The following MPP3 variants were observed in gnomAD, a reference collection of about 807,000 sequenced individuals.
MPP3 encodes MAGUK p55 subfamily member 3.
In MPP3, 48 loss-of-function variants were observed where a neutral mutation model predicts 80.7. The ratio of observed to expected loss-of-function variants is 0.59; its 90% CI spans 0.47 to 0.76. The LOEUF (loss-of-function observed/expected upper bound fraction) is 0.76. Ranked by LOEUF, MPP3 falls within the 30% of genes least tolerant of loss-of-function variation. The pLI is 0.00. For missense variants in MPP3, 620 were observed against 763.0 expected (o/e 0.81, Z 2.21); for synonymous variants, 311 against 297.6 (o/e 1.04, Z -0.46).
In MPP3 at chr17:43,820,990, G is replaced by T; in HGVS notation, c.753C>A (p.Gly251=). ...GGACCTGCCTGCGCTGGAAGGGCAG[G>T]CCCGCCTCCTGGCAAGGGATGGCCC... ...EDRAIPCQEA[G]LPFQRRQVLE... Residue 251 remains glycine (G), a synonymous_variant, in exon 11 of 20, where the codon GGC becomes GGA. Coordinates refer to ENST00000398389, the MANE Select transcript of MPP3 (RefSeq NM_001932.6). 1.2e-6 allele frequency: 2 copies of T among 1,612,780 alleles called. No homozygotes were observed. The highest frequency in any genetic ancestry group is 1.7e-6 in the Non-Finnish European group (2 of 1,179,800).
intron 8 of MPP3, 40 bp downstream of exon 8, chr17:43,827,711 A>G (rs745800694): frequency 6.3e-7 from 1 of 1,597,256 alleles, no homozygotes; most frequent in East Asian, 2.2e-5. Flanking sequence ...AACAATGGCC[A>G]TGATCGGGGC....
Position 43,816,097 on chromosome 17 carries a change from G to A in MPP3, c.968-18C>T. On this transcript the variant is annotated intron_variant, in intron 13 of 19. Coordinates refer to ENST00000398389, the MANE Select transcript of MPP3 (RefSeq NM_001932.6). ...ACAGGTCTCTGGGAAGCAAACAGAG[G>A]GAGGGAAGCCAGTGAGTCCCACCAG... is the stretch of plus-strand genomic sequence containing the variant. The A allele has an allele frequency of 1.3e-6, 2 of 1,507,142 alleles. No individual in the cohort carries two copies. Among genetic ancestry groups the A allele is most frequent in the Non-Finnish European group, 1.8e-6 (2 of 1,133,546 alleles). 93.4% of individuals were successfully genotyped at this position (1,507,142 alleles called of 1,614,324 possible).
chr17:43,816,847 T>C (rs1030484235), intron 12 of MPP3, 150 bp from the exon 13 acceptor site: 12 of 734,350 alleles, frequency 1.6e-5, no homozygotes, highest in Non-Finnish European at 2.7e-5. Flanking sequence ...TGAGCTGTGG[T>C]ACGTTATTAA....
chr17:43,816,427 G>C (rs532897256), intron 13 of MPP3, among the ~76,000 whole-genome samples: 1 of 152,112 alleles, frequency 6.6e-6, no homozygotes, highest in Non-Finnish European at 1.5e-5. Flanking sequence ...CAGCGTAGCC[G>C]AGTCCTGGAA....
At chr17:43,820,603 A>ATACACACACAC (rs1264169757) in intron 11 of MPP3, among the ~76,000 whole-genome samples, 165 of 127,598 alleles carry the variant, frequency 1.3e-3, no homozygotes, top group African/African-American at 5.2e-3. Context: ...AAAAAAAAAA[A>ATACACACACAC]ATACACACAC....
At chr17:43,814,869 C>T (rs111625715) in intron 14 of MPP3, among the ~76,000 whole-genome samples, 4 of 151,976 alleles carry the variant, frequency 2.6e-5, no homozygotes, top group East Asian at 3.8e-4. Context: ...TAAAGGGACA[C>T]GATGTCTACA....
At chr17:43,821,696 A>C (rs965589225) in intron 10 of MPP3, among the ~76,000 whole-genome samples, 1 of 152,064 alleles carries the variant, frequency 6.6e-6, no homozygotes, top group Non-Finnish European at 1.5e-5. Context: ...CATTTTTCAC[A>C]CTTCCTTGTT....
intron 13 of MPP3, 74 bp downstream of exon 13, chr17:43,816,603 C>G: frequency 7.2e-7 from 1 of 1,380,882 alleles, no homozygotes; most frequent in East Asian, 2.5e-5. Context: ...GGAAAGAACA[C>G]GAGCCCCTCA....
chr17:43,829,594 T>C (rs1173588475), intron 7 of MPP3, 60 bp downstream of exon 7: 65 of 1,590,988 alleles, frequency 4.1e-5, no homozygotes, highest in Non-Finnish European at 1.0e-5. Flanking sequence ...TCCAGTGTTC[T>C]GGGTGGGGGT....
chr17:43,814,621 T>A, intron 14 of MPP3: 1 of 363,370 alleles, frequency 2.8e-6, no homozygotes, highest in Admixed American at 4.3e-5. Flanking sequence ...TCCCTTCATC[T>A]CTCTGAGCCT....
At chr17:43,824,525 C>A (rs1450090861) in intron 9 of MPP3, among the ~76,000 whole-genome samples, 1 of 152,062 alleles carries the variant, frequency 6.6e-6, no homozygotes, top group Non-Finnish European at 1.5e-5. Context: ...CTAGGAGCTC[C>A]CTTCACCCTC....
rs2045867950 is a variant in MPP3 at position 43,829,655 on chromosome 17, A to G, written c.440T>C (p.Leu147Pro). ...IVRLVKNKEP[L>P]GATIRRDEHS... ...AGAGGGGCAGGCAGCAGCACCTACC[A>G]GGGGTTCCTTGTTCTTCACCAAGCG... The change falls in exon 7 of 20, where the codon CTG (leucine) becomes CCG (proline). Residue 147 changes from leucine to proline, a missense_variant and splice_region_variant. By Grantham distance (98) the Leu-to-Pro change is moderately conservative. Coordinates refer to ENST00000398389, the MANE Select transcript of MPP3 (RefSeq NM_001932.6). The G allele has an allele frequency of 1.2e-6, 2 of 1,613,810 alleles. No homozygotes were observed. The highest frequency in any genetic ancestry group is 4.5e-5 in the East Asian group (2 of 44,862).
intron 14 of MPP3, among the ~76,000 whole-genome samples, chr17:43,815,578 C>T (rs901540092): frequency 1.5e-4 from 23 of 151,876 alleles, no homozygotes; most frequent in African/African-American, 4.4e-4. Flanking sequence ...TGCACTCCAG[C>T]GTGAGAGACA....
intron 14 of MPP3, chr17:43,815,770 T>C (rs1309461214): frequency 2.4e-5 from 16 of 666,166 alleles, no homozygotes; most frequent in Non-Finnish European, 2.5e-5. Flanking sequence ...ATGGTGATAA[T>C]AGAATTGGTA....
chr17:43,807,037 T>C (rs1001696095), intron 19 of MPP3, among the ~76,000 whole-genome samples: 1 of 151,922 alleles, frequency 6.6e-6, no homozygotes, highest in Non-Finnish European at 1.5e-5. Flanking sequence ...AGTGGCGTGA[T>C]TTTGGCTCAC....
In MPP3 at chr17:43,801,727, A is replaced by C. The variant is rs966270469; in HGVS notation, c.1732T>G (p.Trp578Gly). Residue 578 changes from tryptophan (W) to glycine (G), a missense_variant, in exon 20 of 20, where the codon TGG becomes GGG. Physicochemically the swap from Trp to Gly is radical, Grantham distance 184. Coordinates refer to ENST00000398389, the MANE Select transcript of MPP3 (RefSeq NM_001932.6). ...VLEKLSKDTH[W>G]VPVSWVR is the part of the protein sequence containing the mutation. ...TACCTGACCCAACTAACAGGTACCC[A>C]GTGAGTGTCCTTGCTCAGCTTCTCT... 4.3e-6 allele frequency: 7 copies of C among 1,614,018 alleles called. No homozygotes were observed. Among genetic ancestry groups the C allele is most frequent in the Non-Finnish European group, 5.9e-6 (7 of 1,180,014 alleles).
rs750060552 is a variant in MPP3 at position 43,820,984 on chromosome 17, G to A, written c.759C>T (p.Pro253=). The change falls in exon 11 of 20, where the codon CCC becomes CCT. Residue 253 remains proline (P), a synonymous_variant. Coordinates refer to ENST00000398389, the MANE Select transcript of MPP3 (RefSeq NM_001932.6). ...RAIPCQEAGL[P]FQRRQVLEVV... ...CCTCCAGGACCTGCCTGCGCTGGAA[G>A]GGCAGGCCCGCCTCCTGGCAAGGGA... is the stretch of plus-strand genomic sequence containing the variant. The A allele has an allele frequency of 3.7e-6, 6 of 1,613,074 alleles. No individual in the cohort carries two copies. The highest frequency in any genetic ancestry group is 5.1e-6 in the Non-Finnish European group (6 of 1,179,922).
intron 16 of MPP3, 67 bp downstream of exon 16, chr17:43,813,944 A>G: frequency 2.3e-6 from 3 of 1,277,710 alleles, no homozygotes; most frequent in Non-Finnish European, 2.2e-6. Flanking sequence ...GGATCTGGGG[A>G]GTTAAGTCTC....
intron 19 of MPP3, among the ~76,000 whole-genome samples, chr17:43,806,471 A>G (rs748659770): frequency 1.9e-4 from 29 of 151,732 alleles, no homozygotes; most frequent in Non-Finnish European, 1.3e-4. Context: ...CGGCCCCAAC[A>G]TATGGCTTTT....
Sources: gnomAD v4.1 joint callset for allele counts (sites outside exome capture counted in the v4.1 genomes callset) on GRCh38, gnomAD v4.1.1 for gene constraint, MANE v1.5 for transcripts, NCBI Gene and HGNC (gene_info 2026-07-23, HGNC 2026-07-21) for gene names.